The following CCDC141 variants were observed in gnomAD, a reference collection of about 807,000 sequenced individuals.
CCDC141 encodes the protein coiled-coil domain containing 141.
Under a neutral mutation model 181.0 loss-of-function variants are expected in CCDC141, and 168 were observed. The observed-to-expected ratio is 0.93, with a 90% CI of 0.82 to 1.05. CCDC141 has a LOEUF of 1.05. Ranked by LOEUF, CCDC141 falls within the 50% of genes least tolerant of loss-of-function variation. The pLI is 0.00. For synonymous variants in CCDC141, 666 were observed against 642.3 expected (o/e 1.04, Z -0.56); for missense variants, 1,902 against 1,788.5 (o/e 1.06, Z -1.14).
chr2:179,048,540 T>C lies in CCDC141; in HGVS notation c.103-1134A>G, dbSNP rs143364352. On this transcript the variant is annotated intron_variant, in intron 1 of 23. Transcript: ENST00000443758. ...CCTCATCCTGCTCCAAGAATGTTCA[T>C]ATTTGAGGAAATGGAAAGTTAACTT... 1.6e-3 allele frequency among the ~76,000 whole-genome samples: 248 copies of C among 151,894 alleles called. 1 individual carries two copies. Among genetic ancestry groups the C allele is most frequent in the African/African-American group, 5.7e-3 (236 of 41,540 alleles).
At chr2:178,856,962 G>A (rs1685415603) in intron 17 of CCDC141, among the ~76,000 whole-genome samples, 1 of 152,114 alleles carries the variant, frequency 6.6e-6, no homozygotes, top group Non-Finnish European at 1.5e-5. Context: ...CCAAATATAA[G>A]TAATTATAAA....
intron 2 of CCDC141, among the ~76,000 whole-genome samples, chr2:178,990,409 A>G (rs1342793279): frequency 6.6e-6 from 1 of 152,044 alleles, no homozygotes; most frequent in East Asian, 1.9e-4. Flanking sequence ...AGTATTCACA[A>G]TAGCCAAAAG....
At chr2:178,872,009 A>G (rs1325983657) in intron 13 of CCDC141, 124 bp downstream of exon 13, 1 of 944,984 alleles carries the variant, frequency 1.1e-6, no homozygotes, top group African/African-American at 1.7e-5. Flanking sequence ...TTATAAGTGG[A>G]ATCACACGAT....
In CCDC141 at chr2:178,967,249, A is replaced by C. The variant is rs183569462; in HGVS notation, c.527-5766T>G. 8.7e-4 allele frequency among the ~76,000 whole-genome samples: 132 copies of C among 152,318 alleles called. 1 individual carries two copies. Among genetic ancestry groups the C allele is most frequent in the African/African-American group, 3.0e-3 (124 of 41,574 alleles). ...CAACATTCAAATTCAGGAAATACAG[A>C]GAACACCACAAAGATATTCCTCGAG... On this transcript the variant is annotated intron_variant, in intron 4 of 23. Coordinates refer to ENST00000443758, the MANE Select transcript of CCDC141 (RefSeq NM_173648.4).
chr2:179,044,823 G>A (rs2043434654), intron 2 of CCDC141, among the ~76,000 whole-genome samples: 1 of 152,160 alleles, frequency 6.6e-6, no homozygotes, highest in Non-Finnish European at 1.5e-5. Flanking sequence ...TGGAATTGGG[G>A]ATTCGTGACA....
At chr2:178,964,949 T>A (rs1559012120) in intron 4 of CCDC141, among the ~76,000 whole-genome samples, 1 of 152,312 alleles carries the variant, frequency 6.6e-6, no homozygotes, top group South Asian at 2.1e-4. Flanking sequence ...ATCTAAAAAA[T>A]TATCATTAAA....
At chr2:179,008,154 A>T (rs1485834589) in intron 2 of CCDC141, among the ~76,000 whole-genome samples, 1 of 152,208 alleles carries the variant, frequency 6.6e-6, no homozygotes, top group Admixed American at 6.5e-5. Context: ...GGCTATATGT[A>T]TCTCTTGTTT....
At chr2:178,874,563 G>T (rs1310763074) in intron 12 of CCDC141, 2 of 152,214 alleles carry the variant, frequency 1.3e-5, no homozygotes, top group Non-Finnish European at 2.9e-5. Context: ...TGAGTAGAAT[G>T]GGGTAGCCAG....
chr2:178,853,915 T>A (rs1685273000), intron 19 of CCDC141, among the ~76,000 whole-genome samples: 1 of 152,202 alleles, frequency 6.6e-6, no homozygotes, highest in Non-Finnish European at 1.5e-5. Flanking sequence ...GCCTAAAATA[T>A]AATTCCTAAG....
At chr2:178,924,683 C>A (rs1186875828) in intron 6 of CCDC141, among the ~76,000 whole-genome samples, 2 of 152,170 alleles carry the variant, frequency 1.3e-5, no homozygotes, top group African/African-American at 2.4e-5. Flanking sequence ...CTCAGTCTCC[C>A]ATGCTTGCTG....
At chr2:178,935,665 G>C (rs572770526) in intron 6 of CCDC141, among the ~76,000 whole-genome samples, 25 of 152,080 alleles carry the variant, frequency 1.6e-4, no homozygotes, top group Non-Finnish European at 2.8e-4. Context: ...GGGTTGAATG[G>C]TAGTTCTGCT....
In CCDC141 at chr2:178,832,629, C is replaced by T. The variant is rs1684305169; in HGVS notation, c.*1544G>A. On this transcript the variant is annotated 3_prime_UTR_variant, in exon 24 of 24. Transcript: ENST00000443758. ...GATATGCAGCCCAAGAAAGTATACG[C>T]CAACTTTTTACTTGACTACACATTT... 6.6e-6 allele frequency: 1 copy of T among 151,936 alleles called. No individual in the cohort carries two copies. The highest frequency in any genetic ancestry group is 2.1e-4 in the South Asian group (1 of 4,824). 9.4% of individuals were successfully genotyped at this position (151,936 alleles called of 1,614,324 possible). A position where few individuals can be genotyped will look rare whatever the true frequency, so the allele number is the denominator to read the frequency against.
chr2:178,867,265 G>T (rs1685895940), intron 16 of CCDC141, among the ~76,000 whole-genome samples: 1 of 152,114 alleles, frequency 6.6e-6, no homozygotes, highest in Non-Finnish European at 1.5e-5. Context: ...GATCTAGATG[G>T]TCTTCCAGAT....
chr2:178,856,245 C>T lies in CCDC141; in HGVS notation c.2865+12G>A. On this transcript the variant is annotated intron_variant, in intron 18 of 23. Coordinates refer to ENST00000443758, the MANE Select transcript of CCDC141 (RefSeq NM_173648.4). ...CACATGCGCACATATACAAACCATA[C>T]TTTCTTGTTACCTGCATTTTTTCAG... 6.3e-7 allele frequency: 1 copy of T among 1,596,480 alleles called. No individual in the cohort carries two copies. Among genetic ancestry groups the T allele is most frequent in the Non-Finnish European group, 8.5e-7 (1 of 1,171,532 alleles).
At chr2:178,988,878 A>G (rs1691891078) in intron 2 of CCDC141, among the ~76,000 whole-genome samples, 1 of 152,186 alleles carries the variant, frequency 6.6e-6, no homozygotes, top group African/African-American at 2.4e-5. Flanking sequence ...ATTTTCAACA[A>G]TGGTGTCAGG....
chr2:179,027,378 C>T (rs915920314), intron 2 of CCDC141, among the ~76,000 whole-genome samples: 7 of 152,122 alleles, frequency 4.6e-5, no homozygotes, highest in African/African-American at 1.7e-4. Context: ...GGCATGGTGG[C>T]TCACGCCTGT....
rs1686115470 is a variant in CCDC141 at position 178,871,407 on chromosome 2, C to G, written c.2205+20G>C. On this transcript the variant is annotated intron_variant, in intron 14 of 23. Transcript: ENST00000443758. ...AAGTATTTTTTCCATTCACCCAAATCCAGCAATATATTTCTTCACCTGGAA... is the reference window on the plus strand; with the variant it reads ...AAGTATTTTTTCCATTCACCCAAATGCAGCAATATATTTCTTCACCTGGAA... 6.2e-7 allele frequency: 1 copy of G among 1,603,922 alleles called. No individual in the cohort carries two copies.
chr2:179,013,872 G>A (rs1461125728), intron 2 of CCDC141, among the ~76,000 whole-genome samples: 1 of 147,904 alleles, frequency 6.8e-6, no homozygotes, highest in Non-Finnish European at 1.5e-5. Flanking sequence ...GCAGGAGAAT[G>A]GCGTGAACCT....
At chr2:178,919,313 A>T (rs765064593) in intron 6 of CCDC141, among the ~76,000 whole-genome samples, 7 of 152,246 alleles carry the variant, frequency 4.6e-5, no homozygotes, top group Non-Finnish European at 7.3e-5. Context: ...GAATATTTAG[A>T]TATGCTGAGT....
Sources: gnomAD v4.1 joint callset for allele counts (sites outside exome capture counted in the v4.1 genomes callset) on GRCh38, gnomAD v4.1.1 for gene constraint, MANE v1.5 for transcripts, NCBI Gene and HGNC (gene_info 2026-07-23, HGNC 2026-07-21) for gene names.